Variants in MYO5B observed in about 807,000 individuals in gnomAD.
MYO5B encodes the protein myosin VB.
Under a neutral mutation model 229.3 loss-of-function variants are expected in MYO5B, and 143 were observed. The observed-to-expected ratio is 0.62, with a 90% confidence interval of 0.54 to 0.72. The LOEUF is 0.72. Among genes scored for constraint, MYO5B ranks in the 30% least tolerant of loss-of-function variants. The pLI, the probability that MYO5B is intolerant of heterozygous loss-of-function variation, is 0.00. For missense variants in MYO5B, 2,321 were observed against 2,331.0 expected (o/e 1.00, Z 0.09); for synonymous variants, 918 against 885.2 (o/e 1.04, Z -0.66).
chr18:50,005,397 T>C (rs2026090541), intron 4 of MYO5B, among the ~76,000 whole-genome samples: 1 of 152,178 alleles, frequency 6.6e-6, no homozygotes, highest in African/African-American at 2.4e-5. Context: ...GCTGCAAGAT[T>C]GTGAGATGAC....
At chr18:50,079,965 C>T (rs1002950315) in intron 1 of MYO5B, among the ~76,000 whole-genome samples, 1 of 152,188 alleles carries the variant, frequency 6.6e-6, no homozygotes, top group African/African-American at 2.4e-5. Flanking sequence ...AGGGGCTGCT[C>T]CTGCTACCAG....
At chr18:50,045,870 T>C (rs1019633005) in intron 2 of MYO5B, among the ~76,000 whole-genome samples, 3 of 152,190 alleles carry the variant, frequency 2.0e-5, no homozygotes, top group African/African-American at 7.2e-5. Flanking sequence ...TACTACTTAG[T>C]AGGTGCTCAA....
chr18:50,150,705 G>T (rs964946275), intron 1 of MYO5B, among the ~76,000 whole-genome samples: 1 of 152,140 alleles, frequency 6.6e-6, no homozygotes, highest in African/African-American at 2.4e-5. Context: ...AGTGGGGAGG[G>T]ATAGCATTGG....
chr18:50,035,156 G>A (rs2026434654), intron 4 of MYO5B, among the ~76,000 whole-genome samples: 2 of 152,158 alleles, frequency 1.3e-5, no homozygotes, highest in East Asian at 1.9e-4. Flanking sequence ...GGGTCTACAG[G>A]GTGGATAAAG....
intron 1 of MYO5B, among the ~76,000 whole-genome samples, chr18:50,184,748 T>C (rs1292340878): frequency 1.3e-5 from 2 of 152,008 alleles, no homozygotes. Context: ...TATCTCAAAA[T>C]ATAGAGTGGA....
At chr18:50,041,616 C>A (rs1407456415) in intron 2 of MYO5B, among the ~76,000 whole-genome samples, 1 of 151,802 alleles carries the variant, frequency 6.6e-6, no homozygotes, top group Non-Finnish European at 1.5e-5. Context: ...AAAATTAGAC[C>A]AGTATTCTTA....
chr18:49,984,618 C>T, intron 8 of MYO5B, 100 bp downstream of exon 8: 1 of 900,268 alleles, frequency 1.1e-6, no homozygotes, highest in Non-Finnish European at 1.9e-6. Context: ...CCCATTAGCT[C>T]CTGCAGGTTG....
intron 4 of MYO5B, among the ~76,000 whole-genome samples, chr18:50,018,819 A>G (rs2026244139): frequency 6.6e-6 from 1 of 152,192 alleles, no homozygotes; most frequent in Admixed American, 6.5e-5. Flanking sequence ...TACTACTCTC[A>G]AGCTAAGAAA....
chr18:50,022,264 G>T (rs2026283632), intron 4 of MYO5B, among the ~76,000 whole-genome samples: 1 of 152,178 alleles, frequency 6.6e-6, no homozygotes, highest in Admixed American at 6.5e-5. Flanking sequence ...TAGGGAAGAT[G>T]TATAACTCCG....
At chr18:49,849,949 T>G (rs1378624468) in intron 31 of MYO5B, 18 of 443,164 alleles carry the variant, frequency 4.1e-5, no homozygotes, top group South Asian at 3.3e-4. Context: ...AAGCCAAGCC[T>G]CCTCCGGTTG....
intron 17 of MYO5B, among the ~76,000 whole-genome samples, chr18:49,921,213 G>C (rs981994702): frequency 7.3e-5 from 11 of 150,490 alleles, no homozygotes; most frequent in African/African-American, 2.7e-4. Context: ...CTTTTATGAA[G>C]TGAAGGTGGG....
In MYO5B at chr18:49,894,944, C is replaced by T. The variant is rs1402671276; in HGVS notation, c.3042G>A (p.Arg1014=). The change falls in exon 22 of 40, where the codon AGG becomes AGA. Residue 1014 remains arginine, a synonymous_variant. Coordinates refer to ENST00000285039, the MANE Select transcript of MYO5B (RefSeq NM_001080467.3). ...TGCCCCTCTGGCCTGAGCATACCTT[C>T]CTCAGCTCATCTTTCTCCCTGCTGT... ...DAHSREKDEL[R]KRVADLEQEN... 1.2e-6 allele frequency: 2 copies of T among 1,612,420 alleles called. No homozygotes were observed. The highest frequency in any genetic ancestry group is 1.7e-6 in the Non-Finnish European group (2 of 1,179,902).
intron 1 of MYO5B, among the ~76,000 whole-genome samples, chr18:50,102,847 T>TTTCC (rs2031681519): frequency 6.6e-6 from 1 of 152,040 alleles, no homozygotes; most frequent in Non-Finnish European, 1.5e-5. Context: ...CTCAAAGTCT[T>TTTCC]TTCCTTCCCC....
chr18:49,889,989 A>G (rs1257036249), intron 22 of MYO5B, among the ~76,000 whole-genome samples: 1 of 152,212 alleles, frequency 6.6e-6, no homozygotes, highest in Non-Finnish European at 1.5e-5. Context: ...CATACATTAA[A>G]GTGGCCTCAG....
At chr18:49,989,135 G>A (rs546750031) in intron 7 of MYO5B, among the ~76,000 whole-genome samples, 1 of 152,262 alleles carries the variant, frequency 6.6e-6, no homozygotes, top group East Asian at 1.9e-4. Context: ...AGGATCCCTG[G>A]GGCCTAACAT....
At chr18:50,129,366 C>T (rs1599042655) in intron 1 of MYO5B, among the ~76,000 whole-genome samples, 1 of 152,234 alleles carries the variant, frequency 6.6e-6, no homozygotes, top group Non-Finnish European at 1.5e-5. Context: ...TATTAATTGT[C>T]ATGCCACCAA....
intron 10 of MYO5B, among the ~76,000 whole-genome samples, chr18:49,965,401 T>A (rs1489316036): frequency 6.6e-6 from 1 of 151,362 alleles, no homozygotes; most frequent in Non-Finnish European, 1.5e-5. Context: ...GAGATGGACA[T>A]TTTCCATCTC....
intron 1 of MYO5B, among the ~76,000 whole-genome samples, chr18:50,095,153 C>T (rs1250903037): frequency 6.6e-6 from 1 of 152,212 alleles, no homozygotes; most frequent in Non-Finnish European, 1.5e-5. Flanking sequence ...ATTCCCTGCA[C>T]AACCTTTCTC....
At chr18:50,105,973 T>C (rs2031752808) in intron 1 of MYO5B, among the ~76,000 whole-genome samples, 1 of 151,960 alleles carries the variant, frequency 6.6e-6, no homozygotes, top group South Asian at 2.1e-4. Flanking sequence ...CCCACCCTAG[T>C]CACCCTCTCC....
Sources: gnomAD v4.1 joint callset for allele counts (sites outside exome capture counted in the v4.1 genomes callset) on GRCh38, gnomAD v4.1.1 for gene constraint, MANE v1.5 for transcripts, NCBI Gene and HGNC (gene_info 2026-07-23, HGNC 2026-07-21) for gene names.